The following ANKH variants were observed in gnomAD, a reference collection of about 807,000 sequenced individuals.
ANKH encodes the protein mineralization regulator ANKH.
ANKH carries 15 observed loss-of-function variants against 49.0 expected under a neutral mutation model. That is an observed-to-expected ratio of 0.31 (90% CI 0.20 to 0.47). The LOEUF is 0.47. Ranked by LOEUF, ANKH falls within the 20% of genes least tolerant of loss-of-function variation. The probability of loss-of-function intolerance (pLI) is 1.00; values close to 1 mark genes in which losing one functional copy is unlikely to be tolerated. For synonymous variants in ANKH, 273 were observed against 260.0 expected (o/e 1.05, Z -0.48); for missense variants, 429 against 652.0 (o/e 0.66, Z 3.72).
At chr5:14,735,724 T>A (rs1179420950) in intron 8 of ANKH, among the ~76,000 whole-genome samples, 2 of 152,156 alleles carry the variant, frequency 1.3e-5, no homozygotes, top group African/African-American at 4.8e-5. Flanking sequence ...CCTGTGTGCA[T>A]GTCTGTGCCC....
At chr5:14,755,748 A>G (rs1738864120) in intron 4 of ANKH, 113 bp downstream of exon 4, 1 of 994,724 alleles carries the variant, frequency 1.0e-6, no homozygotes, top group Non-Finnish European at 1.6e-6. Context: ...TGCTGGCAAA[A>G]CCAGGTCGAA....
rs193282391 is a variant in ANKH at position 14,754,885 on chromosome 5, C to T, written c.516+976G>A. 2.1e-3 allele frequency among the ~76,000 whole-genome samples: 320 copies of T among 151,984 alleles called. 2 individuals carry two copies. The highest frequency in any genetic ancestry group is 7.0e-3 in the African/African-American group (290 of 41,460). On this transcript the variant is annotated intron_variant, in intron 4 of 11. Coordinates refer to ENST00000284268, the MANE Select transcript of ANKH (RefSeq NM_054027.6). ...GAGGTCAGGAGTTTGAGACCAACCT[C>T]GCCAATATGAAGAAGCCCCATCTCT...
intron 3 of ANKH, among the ~76,000 whole-genome samples, chr5:14,757,430 A>ATATATATATTTTTTTTTTTTTTTT (rs1379233165): frequency 8.8e-6 from 1 of 113,816 alleles, no homozygotes; most frequent in African/African-American, 3.3e-5. Flanking sequence ...ATATATATAT[A>ATATATATATTTTTTTTTTTTTTTT]TTTTTTTTTT....
At chr5:14,731,629 C>T (rs1738006042) in intron 8 of ANKH, among the ~76,000 whole-genome samples, 1 of 152,180 alleles carries the variant, frequency 6.6e-6, no homozygotes, top group African/African-American at 2.4e-5. Flanking sequence ...AGGTTCCCAG[C>T]ATGAACTCAT....
chr5:14,830,105 T>C (rs767920412), intron 1 of ANKH, among the ~76,000 whole-genome samples: 8 of 152,214 alleles, frequency 5.3e-5, no homozygotes, highest in Non-Finnish European at 1.2e-4. Context: ...GAGGATATAC[T>C]AAAATCAGCA....
intron 1 of ANKH, among the ~76,000 whole-genome samples, chr5:14,793,019 T>TATAAATATATATAA (rs1561057762): frequency 1.3e-5 from 1 of 79,172 alleles, no homozygotes; most frequent in Non-Finnish European, 2.3e-5. Flanking sequence ...TATATATATA[T>TATAAATATATATAA]AAATATATAT....
intron 1 of ANKH, among the ~76,000 whole-genome samples, chr5:14,795,659 G>A (rs1740350336): frequency 6.6e-6 from 1 of 152,160 alleles, no homozygotes. Flanking sequence ...GACCAGCCTG[G>A]CCAACATGGC....
chr5:14,741,554 A>T, intron 8 of ANKH: 1 of 382,408 alleles, frequency 2.6e-6, no homozygotes, highest in Non-Finnish European at 4.8e-6. Flanking sequence ...CAGCAAGACA[A>T]GTGTACTATT....
intron 1 of ANKH, chr5:14,870,154 C>G (rs1397311790): frequency 6.6e-6 from 1 of 152,134 alleles, no homozygotes; most frequent in African/African-American, 2.4e-5. Context: ...AAACAAAGGT[C>G]TCTAGAGAAT....
intron 1 of ANKH, among the ~76,000 whole-genome samples, chr5:14,780,519 G>A (rs1739774723): frequency 6.6e-6 from 1 of 152,152 alleles, no homozygotes; most frequent in African/African-American, 2.4e-5. Flanking sequence ...CTCCAGCCTA[G>A]CCAACAGAGT....
At chr5:14,868,660 T>C (rs1283851395) in intron 1 of ANKH, 1 of 151,812 alleles carries the variant, frequency 6.6e-6, no homozygotes, top group Non-Finnish European at 1.5e-5. Context: ...TCCATCCACC[T>C]CACCTCCCAA....
At chr5:14,811,356 C>T (rs894727094) in intron 1 of ANKH, among the ~76,000 whole-genome samples, 2 of 152,278 alleles carry the variant, frequency 1.3e-5, no homozygotes, top group Middle Eastern at 6.8e-3. Flanking sequence ...GTTCTCTGAC[C>T]TCTCCACTGG....
chr5:14,718,609 G>A (rs1737561540), intron 8 of ANKH, among the ~76,000 whole-genome samples: 2 of 152,072 alleles, frequency 1.3e-5, no homozygotes, highest in Admixed American at 6.5e-5. Context: ...TCAGGAGTTC[G>A]AGACCAGCCT....
rs1736932096 is a variant in ANKH, at chr5:14,705,931, C to T, written c.*5266G>A. 6.6e-6 allele frequency: 1 copy of T among 152,154 alleles called. No homozygotes were observed. Among genetic ancestry groups the T allele is most frequent in the South Asian group, 2.1e-4 (1 of 4,830 alleles). The allele number at this position is 152,154 out of a possible 1,614,324, so 9.4% of individuals were successfully genotyped here. A position where few individuals can be genotyped will look rare whatever the true frequency, so the allele number is the denominator to read the frequency against. On this transcript the variant is annotated 3_prime_UTR_variant, in exon 12 of 12. Transcript: ENST00000284268. The stretch of plus-strand genomic sequence containing the variant: ...GGTTGTAATGTTCCCCTAATGTTCC[C>T]CAACTCCAGAGGCGCCATTTCTTGC...
chr5:14,769,306 T>C, intron 1 of ANKH, 115 bp from the exon 2 acceptor site: 1 of 848,502 alleles, frequency 1.2e-6, no homozygotes, highest in Non-Finnish European at 1.9e-6. Flanking sequence ...CTAAGTAGCT[T>C]ATAGGGTGCA....
intron 2 of ANKH, among the ~76,000 whole-genome samples, chr5:14,759,076 C>T (rs909692607): frequency 1.3e-5 from 2 of 152,190 alleles, no homozygotes; most frequent in African/African-American, 4.8e-5. Flanking sequence ...ATATTCTTAA[C>T]TATGTACTAA....
intron 1 of ANKH, among the ~76,000 whole-genome samples, chr5:14,855,213 C>A (rs187838169): frequency 1.3e-5 from 2 of 152,342 alleles, no homozygotes; most frequent in East Asian, 3.9e-4. Context: ...TGGGGATGGG[C>A]TAAGGATTCC....
At chr5:14,793,626 G>T (rs1740276180) in intron 1 of ANKH, among the ~76,000 whole-genome samples, 1 of 152,226 alleles carries the variant, frequency 6.6e-6, no homozygotes, top group Admixed American at 6.5e-5. Flanking sequence ...TTGCAGGAAT[G>T]GTGGCTGCAA....
intron 3 of ANKH, among the ~76,000 whole-genome samples, chr5:14,758,052 A>G (rs1738958077): frequency 6.6e-6 from 1 of 152,240 alleles, no homozygotes; most frequent in Non-Finnish European, 1.5e-5. Context: ...GAACGGATAC[A>G]CAAGATGTGG....
Sources: gnomAD v4.1 joint callset for allele counts (sites outside exome capture counted in the v4.1 genomes callset) on GRCh38, gnomAD v4.1.1 for gene constraint, MANE v1.5 for transcripts, NCBI Gene and HGNC (gene_info 2026-07-23, HGNC 2026-07-21) for gene names.